PCSK6: variants seen among roughly 807,000 people sequenced by gnomAD.
PCSK6 encodes the protein proprotein convertase subtilisin/kexin type 6.
In PCSK6, 85 loss-of-function variants were observed where a neutral mutation model predicts 123.3. That is an observed-to-expected ratio of 0.69 (90% CI 0.58 to 0.83). PCSK6 has a LOEUF of 0.83. PCSK6 is among the 40% of genes least tolerant of loss of function. The pLI is 0.00. For missense variants in PCSK6, 1,191 were observed against 1,282.3 expected (o/e 0.93, Z 1.09); for synonymous variants, 508 against 516.0 (o/e 0.98, Z 0.21).
intron 2 of PCSK6, among the ~76,000 whole-genome samples, chr15:101,443,033 T>G (rs2056796096): frequency 6.6e-6 from 1 of 152,216 alleles, no homozygotes; most frequent in Non-Finnish European, 1.5e-5. Flanking sequence ...CAAATATTAA[T>G]TTCAAATCTA....
chr15:101,460,251 G>T (rs1296436660), intron 1 of PCSK6, among the ~76,000 whole-genome samples: 1 of 152,062 alleles, frequency 6.6e-6, no homozygotes, highest in Non-Finnish European at 1.5e-5. Context: ...TCTAAAGAGG[G>T]GTCTTTCCCA....
chr15:101,340,406 T>C (rs984879484), intron 13 of PCSK6, among the ~76,000 whole-genome samples: 4 of 152,234 alleles, frequency 2.6e-5, no homozygotes, highest in African/African-American at 9.6e-5. Context: ...GTGTGTACAA[T>C]GGACAACACA....
At chr15:101,462,561 C>T (rs561786549) in intron 1 of PCSK6, among the ~76,000 whole-genome samples, 1 of 152,194 alleles carries the variant, frequency 6.6e-6, no homozygotes, top group East Asian at 1.9e-4. Context: ...GGCACTGGGT[C>T]AGAGACAGAC....
At chr15:101,439,666 G>A (rs1397591779) in intron 2 of PCSK6, among the ~76,000 whole-genome samples, 2 of 152,236 alleles carry the variant, frequency 1.3e-5, no homozygotes, top group African/African-American at 4.8e-5. Context: ...AAAACTGTTA[G>A]ATAAAATTCC....
At chr15:101,320,748 C>G (rs1477211411) in intron 18 of PCSK6, among the ~76,000 whole-genome samples, 4 of 152,220 alleles carry the variant, frequency 2.6e-5, no homozygotes, top group Non-Finnish European at 5.9e-5. Flanking sequence ...CGGCTGCTCT[C>G]TTGCTGCTTT....
At chr15:101,432,627 CAA>C (rs555911608) in intron 2 of PCSK6, among the ~76,000 whole-genome samples, 6 of 97,394 alleles carry the variant, frequency 6.2e-5, no homozygotes, top group African/African-American at 1.1e-4. Flanking sequence ...AAGACCCTGT[CAA>C]AAAAAAAAAA....
chr15:101,403,910 G>A (rs1458021532), intron 6 of PCSK6, among the ~76,000 whole-genome samples: 2 of 152,068 alleles, frequency 1.3e-5, no homozygotes, highest in Non-Finnish European at 2.9e-5. Context: ...TAGTAGAAAC[G>A]GGGTTTCACC....
chr15:101,341,244 T>TG (rs771745586), intron 13 of PCSK6, among the ~76,000 whole-genome samples: 7 of 122,538 alleles, frequency 5.7e-5, no homozygotes, highest in African/African-American at 2.0e-4. Context: ...GCCAAAAGTG[T>TG]GGGGTTTTTT....
intron 10 of PCSK6, among the ~76,000 whole-genome samples, chr15:101,382,948 C>T (rs563105366): frequency 6.6e-4 from 100 of 152,214 alleles, no homozygotes; most frequent in Non-Finnish European, 1.1e-3. Flanking sequence ...AAAGGAATGT[C>T]CCTCGGCACT....
chr15:101,461,292 A>G (rs1462560107), intron 1 of PCSK6, among the ~76,000 whole-genome samples: 1 of 152,210 alleles, frequency 6.6e-6, no homozygotes, highest in Non-Finnish European at 1.5e-5. Context: ...AGAAAATTGT[A>G]ATTTATGAAA....
chr15:101,380,635 G>T (rs746409537), intron 11 of PCSK6, among the ~76,000 whole-genome samples: 8 of 152,224 alleles, frequency 5.3e-5, no homozygotes, highest in Non-Finnish European at 7.3e-5. Context: ...AGCCACGGGA[G>T]AAAAAGGTGA....
chr15:101,411,503 C>T (rs1381218525), intron 6 of PCSK6, among the ~76,000 whole-genome samples: 1 of 152,160 alleles, frequency 6.6e-6, no homozygotes, highest in African/African-American at 2.4e-5. Context: ...CCACCCACAG[C>T]CACATGGGGA....
intron 1 of PCSK6, among the ~76,000 whole-genome samples, chr15:101,479,239 C>A (rs1442502304): frequency 1.3e-5 from 2 of 152,166 alleles, no homozygotes; most frequent in Admixed American, 6.5e-5. Flanking sequence ...GTAGACCACA[C>A]AAGGAAGGGG....
At chr15:101,310,100 G>A (rs537244653) in intron 20 of PCSK6, among the ~76,000 whole-genome samples, 1 of 152,232 alleles carries the variant, frequency 6.6e-6, no homozygotes, top group Non-Finnish European at 1.5e-5. Flanking sequence ...GTGGTTCTCA[G>A]CTCAGGCTGT....
chr15:101,436,686 T>C (rs1032866729), intron 2 of PCSK6, among the ~76,000 whole-genome samples: 1 of 152,138 alleles, frequency 6.6e-6, no homozygotes, highest in African/African-American at 2.4e-5. Context: ...CCTGGGCCTC[T>C]CCCTCCACAC....
chr15:101,451,061 T>C (rs1307482611), intron 1 of PCSK6, among the ~76,000 whole-genome samples: 1 of 149,942 alleles, frequency 6.7e-6, no homozygotes, highest in Non-Finnish European at 1.5e-5. Context: ...TGGCTTGGGG[T>C]TTACAGAAAG....
chr15:101,369,741 T>C (rs2041518165), intron 12 of PCSK6, among the ~76,000 whole-genome samples: 1 of 127,284 alleles, frequency 7.9e-6, no homozygotes, highest in Admixed American at 8.5e-5. Flanking sequence ...AATGACTCCA[T>C]AGCCTCCCAA....
intron 16 of PCSK6, 82 bp downstream of exon 16, chr15:101,326,295 G>T: frequency 9.7e-7 from 1 of 1,026,628 alleles, no homozygotes; most frequent in Non-Finnish European, 1.5e-6. Flanking sequence ...TTCCTAACTG[G>T]GGCATCAGGA....
chr15:101,407,463 C>CA (rs1286587365), intron 6 of PCSK6, among the ~76,000 whole-genome samples: 2 of 152,118 alleles, frequency 1.3e-5, no homozygotes, highest in African/African-American at 4.8e-5. Context: ...AACTACCCAT[C>CA]AGGAGTGTGC....
Sources: gnomAD v4.1 joint callset for allele counts (sites outside exome capture counted in the v4.1 genomes callset) on GRCh38, gnomAD v4.1.1 for gene constraint, MANE v1.5 for transcripts, NCBI Gene and HGNC (gene_info 2026-07-23, HGNC 2026-07-21) for gene names.